Variants in NEDD9 observed in about 807,000 individuals in gnomAD.
NEDD9 encodes the protein enhancer of filamentation 1.
Under a neutral mutation model 76.6 loss-of-function variants are expected in NEDD9, and 26 were observed. The observed-to-expected ratio is 0.34, with a 90% CI of 0.25 to 0.47. The LOEUF is 0.47. Ranked by LOEUF, NEDD9 falls within the 20% of genes least tolerant of loss-of-function variation. The probability of loss-of-function intolerance (pLI) is 1.00; values close to 1 mark genes in which losing one functional copy is unlikely to be tolerated. For synonymous variants in NEDD9, 392 were observed against 414.2 expected (o/e 0.95, Z 0.65); for missense variants, 937 against 1,058.5 (o/e 0.89, Z 1.59).
intron 3 of NEDD9, among the ~76,000 whole-genome samples, chr6:11,253,541 T>C (rs1354549446): frequency 6.6e-6 from 1 of 152,206 alleles, no homozygotes; most frequent in Non-Finnish European, 1.5e-5. Context: ...AAACCTGAAC[T>C]TTTATGTTAA....
intron 1 of NEDD9, among the ~76,000 whole-genome samples, chr6:11,363,409 A>G (rs1318717531): frequency 6.6e-6 from 1 of 152,164 alleles, no homozygotes; most frequent in Non-Finnish European, 1.5e-5. Flanking sequence ...ATGGAAGAAA[A>G]TTCTTATGGA....
intron 2 of NEDD9, among the ~76,000 whole-genome samples, chr6:11,319,361 GCACACTAACATA>G (rs1296723457): frequency 6.7e-6 from 1 of 149,232 alleles, no homozygotes; most frequent in Non-Finnish European, 1.5e-5. Flanking sequence ...ACACTCACAT[GCACACTAACATA>G]CACACAAGTC....
chr6:11,244,199 C>A (rs1181728393), intron 3 of NEDD9, among the ~76,000 whole-genome samples: 2 of 152,270 alleles, frequency 1.3e-5, no homozygotes, highest in Non-Finnish European at 2.9e-5. Flanking sequence ...GTCTACCCTG[C>A]AGATTTTGGA....
intron 3 of NEDD9, among the ~76,000 whole-genome samples, chr6:11,278,609 C>G (rs1017124478): frequency 3.9e-5 from 6 of 152,202 alleles, no homozygotes; most frequent in Non-Finnish European, 5.9e-5. Context: ...GTAGGAAAAT[C>G]TCTCAGATCA....
intron 1 of NEDD9, among the ~76,000 whole-genome samples, chr6:11,368,111 C>T (rs548106014): frequency 2.0e-5 from 3 of 152,312 alleles, no homozygotes; most frequent in African/African-American, 7.2e-5. Context: ...AGCTACTGTG[C>T]GCAGTCTGGC....
rs2113768070 is a variant in NEDD9 at position 11,218,981 on chromosome 6, C to A, written c.13-5254G>T. On this transcript the variant is annotated intron_variant, in intron 1 of 6. Transcript: ENST00000379446. Reference sequence around the variant, plus strand: ...TAAACACAATGGTCTCTTTTAAGAGCCTTTCTCCCTTCAGTGTAGCAATCT... The same window carrying A: ...TAAACACAATGGTCTCTTTTAAGAGACTTTCTCCCTTCAGTGTAGCAATCT... 3.9e-5 allele frequency among the ~76,000 whole-genome samples: 6 copies of A among 152,314 alleles called. No individual in the cohort carries two copies. In the Middle Eastern group the frequency reaches 0.02, roughly 518 times the overall value.
At chr6:11,232,457 GCACA>G (rs760171203) in intron 1 of NEDD9, 43 bp downstream of exon 1, 8 of 1,611,244 alleles carry the variant, frequency 5.0e-6, no homozygotes, top group African/African-American at 2.7e-5. Flanking sequence ...ACACCCGCAG[GCACA>G]GCTTTCAGCT....
intron 1 of NEDD9, among the ~76,000 whole-genome samples, chr6:11,222,983 GT>G (rs1209128925): frequency 6.6e-6 from 1 of 152,220 alleles, no homozygotes; most frequent in African/African-American, 2.4e-5. Context: ...TACGGGCAAT[GT>G]TTAGTGGCAT....
intron 2 of NEDD9, 39 bp from the exon 3 acceptor site, chr6:11,193,731 C>T (rs763533408): frequency 4.7e-6 from 7 of 1,476,924 alleles, no homozygotes; most frequent in African/African-American, 4.2e-5. Context: ...ATTTCCAAGC[C>T]TGAGTCCTTG....
chr6:11,308,024 T>C (rs1190298471), intron 2 of NEDD9, among the ~76,000 whole-genome samples: 1 of 152,144 alleles, frequency 6.6e-6, no homozygotes, highest in African/African-American at 2.4e-5. Flanking sequence ...ACATTGGGAC[T>C]TCCTGTTCAG....
At chr6:11,315,499 G>A (rs1761525838) in intron 2 of NEDD9, among the ~76,000 whole-genome samples, 1 of 152,186 alleles carries the variant, frequency 6.6e-6, no homozygotes. Context: ...CAGTGATCTT[G>A]TCAGGCCATG....
intron 1 of NEDD9, chr6:11,334,679 G>A (rs1427957083): frequency 6.6e-6 from 1 of 152,144 alleles, no homozygotes; most frequent in African/African-American, 2.4e-5. Flanking sequence ...ATTTTAATGG[G>A]CATTTCTCGC....
chr6:11,362,695 C>G (rs776735814), intron 1 of NEDD9, among the ~76,000 whole-genome samples: 1 of 152,222 alleles, frequency 6.6e-6, no homozygotes, highest in African/African-American at 2.4e-5. Context: ...GAAATAGTCA[C>G]CTACTCACTT....
chr6:11,192,595 C>CA, intron 3 of NEDD9, 149 bp from the exon 4 acceptor site: 1 of 373,210 alleles, frequency 2.7e-6, no homozygotes, highest in Middle Eastern at 4.1e-4. Context: ...AGATTTATTG[C>CA]CTTTTTTTTT....
chr6:11,306,163 C>T (rs1761179551), intron 2 of NEDD9: 4 of 824,870 alleles, frequency 4.8e-6, no homozygotes, highest in African/African-American at 3.4e-5. Context: ...AATCTGAAAA[C>T]AGGAGATAGA....
intron 1 of NEDD9, among the ~76,000 whole-genome samples, chr6:11,378,045 C>A (rs1220561814): frequency 1.3e-5 from 2 of 152,102 alleles, no homozygotes; most frequent in Admixed American, 1.3e-4. Context: ...GAGCTCAAGA[C>A]CAGCCTGGCC....
At position 11,193,622 on chromosome 6, in the gene NEDD9, T is replaced by A. The variant is rs1283718076; in HGVS notation, c.530A>T (p.Tyr177Phe). The A allele has an allele frequency of 6.2e-7, 1 of 1,613,700 alleles. No individual in the cohort carries two copies. Among genetic ancestry groups the A allele is most frequent in the South Asian group, 1.1e-5 (1 of 91,078 alleles). ...AGTGGTATGAGAAGGAGGGATATCA[T>A]AGACGTCCTTTTGGTATCTGGATGG... ...EYPSRYQKDV[Y>F]DIPPSHTTQG... Residue 177 changes from tyrosine to phenylalanine, a missense_variant, in exon 3 of 7, where the codon TAT becomes TTT. Physicochemically the swap from Tyr to Phe is conservative, Grantham distance 22. Transcript: ENST00000379446.
chr6:11,276,808 C>T (rs1760426006), intron 3 of NEDD9, among the ~76,000 whole-genome samples: 1 of 152,026 alleles, frequency 6.6e-6, no homozygotes, highest in Non-Finnish European at 1.5e-5. Flanking sequence ...AAATAGTGGC[C>T]ATTATTATAG....
chr6:11,305,887 T>C, intron 3 of NEDD9: 1 of 1,369,328 alleles, frequency 7.3e-7, no homozygotes, highest in Non-Finnish European at 1.0e-6. Flanking sequence ...TGCAGGCCCG[T>C]ATGACAAAAA....
Sources: allele counts gnomAD v4.1 joint callset (sites outside exome capture counted in the v4.1 genomes callset), GRCh38; gene constraint gnomAD v4.1.1; transcripts MANE v1.5; gene names NCBI Gene and HGNC (gene_info 2026-07-23, HGNC 2026-07-21).